Variants in ARMC12 observed in about 807,000 individuals in gnomAD.
ARMC12 encodes the protein armadillo repeat containing 12, also known as armadillo repeat-containing protein 12.
ARMC12 carries 25 observed loss-of-function variants against 37.4 expected under a neutral mutation model. That is an observed-to-expected ratio of 0.67 (90% confidence interval 0.49 to 0.93). The LOEUF (loss-of-function observed/expected upper bound fraction) is 0.93, where lower values mean the gene tolerates loss of function less well. Ranked by LOEUF, ARMC12 falls within the 40% of genes least tolerant of loss-of-function variation. ARMC12 has a pLI of 0.00. For synonymous variants in ARMC12, 167 were observed against 176.1 expected, an observed-to-expected ratio of 0.95 and a Z score of 0.41; for missense variants, 384 against 426.6, an observed-to-expected ratio of 0.90 and a Z score of 0.88.
At chr6:35,741,369 C>G (rs973413019) in intron 3 of ARMC12, among the ~76,000 whole-genome samples, 1 of 151,786 alleles carries the variant, frequency 6.6e-6, no homozygotes, top group Non-Finnish European at 1.5e-5. Flanking sequence ...CAGCCCTGCA[C>G]GAGTGTTCTA....
At chr6:35,746,318 T>A (rs1767336544) in intron 3 of ARMC12, among the ~76,000 whole-genome samples, 1 of 152,120 alleles carries the variant, frequency 6.6e-6, no homozygotes, top group African/African-American at 2.4e-5. Flanking sequence ...GGTGTGTACC[T>A]GGCATGTTCA....
chr6:35,745,386 G>C (rs1056567539), intron 3 of ARMC12, among the ~76,000 whole-genome samples: 1 of 152,198 alleles, frequency 6.6e-6, no homozygotes, highest in African/African-American at 2.4e-5. Flanking sequence ...ATCACATAAA[G>C]TGTGATTTCA....
At chr6:35,731,973 G>A in the ARMC12 span, among the ~76,000 whole-genome samples, 1 of 152,132 alleles carries the variant, frequency 6.6e-6, no homozygotes, top group African/African-American at 2.4e-5. Context: ...GGGGAGGGGA[G>A]CGAAGAGAAA....
intron 5 of ARMC12, 99 bp from the exon 6 acceptor site, chr6:35,748,439 A>T: frequency 1.0e-6 from 1 of 981,494 alleles, no homozygotes; most frequent in Non-Finnish European, 1.4e-6. Flanking sequence ...TCTGAAATTT[A>T]GGTATATTTG....
At chr6:35,736,513 C>T (rs1017001961), upstream of ARMC12, among the ~76,000 whole-genome samples, 3 of 152,228 alleles carry the variant, frequency 2.0e-5, no homozygotes, top group African/African-American at 7.2e-5. Context: ...GCTGGGGTCC[C>T]CCCTTAAAGA....
At chr6:35,740,426 G>A (rs192642186) in intron 3 of ARMC12, among the ~76,000 whole-genome samples, 4 of 151,996 alleles carry the variant, frequency 2.6e-5, no homozygotes, top group Admixed American at 2.6e-4. Context: ...CATGCAGTAG[G>A]CTCCAACCCC....
At chr6:35,735,405 G>A (rs1440361778), upstream of ARMC12, 2 of 152,418 alleles carry the variant, frequency 1.3e-5, no homozygotes, top group Admixed American at 6.5e-5. The surrounding 1 kb of genome is among the most constrained non-coding windows in gnomAD (Gnocchi z 4.0). Flanking sequence ...GAGGAGGGCT[G>A]AGGACAGGAA....
At position 35,748,336 on chromosome 6, in the gene ARMC12, A is replaced by G. The variant is rs529998078; in HGVS notation, c.691-202A>G. On this transcript the variant is annotated intron_variant, in intron 5 of 5. Transcript: ENST00000373866. Reference sequence around the variant, plus strand: ...TGTCTCAACAAAATTTCCAGAATGAATATTATCATATCACTCATGTTTTAT... The same window carrying G: ...TGTCTCAACAAAATTTCCAGAATGAGTATTATCATATCACTCATGTTTTAT... 1.8e-4 allele frequency among the ~76,000 whole-genome samples: 27 copies of G among 152,336 alleles called. No homozygotes were observed. In the South Asian group the frequency reaches 5.4e-3, roughly 30 times the overall value.
Position 35,747,322 on chromosome 6 carries a change from C to A in ARMC12, c.506C>A (p.Ala169Glu). ...ATCTGGGACACGGAACTGCACATTG[C>A]GGGCCTCAGACTCCTCAACAACCTT... ...STIWDTELHIAGLRLLNNLPL... is the reference protein window; with the variant it reads ...STIWDTELHIEGLRLLNNLPL... Residue 169 changes from alanine (A) to glutamate (E), a missense_variant, in exon 4 of 6, where the codon GCG (alanine) becomes GAG (glutamate). By Grantham distance (107) the Ala-to-Glu change is moderately radical. Transcript: ENST00000373866. The A allele has an allele frequency of 1.2e-6, 2 of 1,613,886 alleles. No individual in the cohort carries two copies. The highest frequency in any genetic ancestry group is 8.5e-7 in the Non-Finnish European group (1 of 1,180,020).
chr6:35,747,224 C>A (rs1260750359), intron 3 of ARMC12, 37 bp from the exon 4 acceptor site: 1 of 1,591,284 alleles, frequency 6.3e-7, no homozygotes, highest in African/African-American at 1.3e-5. Flanking sequence ...TGGTGATCAC[C>A]TGTAAAAGTA....
intron 1 of ARMC12, among the ~76,000 whole-genome samples, 200 bp from the exon 2 acceptor site, chr6:35,737,827 T>C (rs1015587146): frequency 6.6e-6 from 1 of 152,240 alleles, no homozygotes. Flanking sequence ...TGGTACGTTA[T>C]GGACAATACA....
chr6:35,742,988 G>T (rs917677013), intron 3 of ARMC12, among the ~76,000 whole-genome samples: 13 of 152,118 alleles, frequency 8.5e-5, no homozygotes, highest in African/African-American at 2.9e-4. Flanking sequence ...GCTCTCACAT[G>T]CCCCCTTGCT....
At chr6:35,738,286 T>TTG (rs369248958) in intron 2 of ARMC12, 98 bp from the exon 3 acceptor site, 55 of 1,063,278 alleles carry the variant, frequency 5.2e-5, no homozygotes, top group African/African-American at 2.1e-4. Flanking sequence ...CTGATAGCGG[T>TTG]GGGGGGGGGG....
chr6:35,741,059 C>T (rs185434494), intron 3 of ARMC12, among the ~76,000 whole-genome samples: 6 of 152,080 alleles, frequency 3.9e-5, no homozygotes, highest in Admixed American at 3.3e-4. Context: ...TCAGTGAGTA[C>T]GGGAGTACTA....
chr6:35,741,512 T>G (rs899546917), intron 3 of ARMC12, among the ~76,000 whole-genome samples: 1 of 152,088 alleles, frequency 6.6e-6, no homozygotes, highest in African/African-American at 2.4e-5. Context: ...CCTCCCAGGT[T>G]CAAGCAATTC....
Position 35,748,999 on chromosome 6 carries a change from T to A in ARMC12, c.*129T>A. 1.1e-6 allele frequency: 1 copy of A among 929,156 alleles called. No homozygotes were observed. The highest frequency in any genetic ancestry group is 1.6e-6 in the Non-Finnish European group (1 of 636,300). 57.6% of individuals were successfully genotyped at this position (929,156 alleles called of 1,614,324 possible). A position where few individuals can be genotyped will look rare whatever the true frequency, so the allele number is the denominator to read the frequency against. On this transcript the variant is annotated 3_prime_UTR_variant, in exon 6 of 6. Coordinates refer to ENST00000373866, the MANE Select transcript of ARMC12 (RefSeq NM_001286574.2). ...GCATAACCTCTGCTCCAGAGTGTGG[T>A]ACAGCATGGGCTTATCTCTCAAAAC...
intron 3 of ARMC12, among the ~76,000 whole-genome samples, chr6:35,743,701 A>T (rs1449869916): frequency 6.6e-6 from 1 of 151,194 alleles, no homozygotes; most frequent in African/African-American, 2.4e-5. Context: ...AATAAGTAAA[A>T]TATATAGTGT....
chr6:35,738,835 A>G (rs371718077), intron 3 of ARMC12, among the ~76,000 whole-genome samples: 2 of 152,106 alleles, frequency 1.3e-5, no homozygotes, highest in South Asian at 4.1e-4. Flanking sequence ...CAACAATTCA[A>G]TTCAGTTCAG....
At chr6:35,735,538 C>T (rs77821345), upstream of ARMC12, among the ~76,000 whole-genome samples, 3,153 of 152,270 alleles carry the variant, frequency 0.021, 48 homozygotes, top group Non-Finnish European at 0.029. The surrounding 1 kb of genome is among the most constrained non-coding windows in gnomAD (Gnocchi z 4.0). Context: ...TTCCCTACCT[C>T]CTTCCATCCT....
Sources: gnomAD v4.1 joint callset for allele counts (sites outside exome capture counted in the v4.1 genomes callset) on GRCh38, gnomAD v4.1.1 for gene constraint, Gnocchi (gnomAD v3.1) non-coding constraint, MANE v1.5 for transcripts, NCBI Gene and HGNC (gene_info 2026-07-23, HGNC 2026-07-21) for gene names.